The following AHNAK2 variants were observed in gnomAD, a reference collection of about 807,000 sequenced individuals.
AHNAK2 encodes protein AHNAK2.
AHNAK2 carries 18 observed loss-of-function variants against 30.7 expected under a neutral mutation model. The ratio of observed to expected loss-of-function variants is 0.59; its 90% CI spans 0.41 to 0.87. AHNAK2 has a LOEUF of 0.87. AHNAK2 is among the 40% of genes least tolerant of loss of function. The pLI is 0.00. For synonymous variants in AHNAK2, 3,590 were observed against 3,073.8 expected (o/e 1.17, Z -5.56); for missense variants, 8,604 against 7,373.0 (o/e 1.17, Z -6.11).
At position 104,939,036 on chromosome 14, in the gene AHNAK2, A is replaced by C; in HGVS notation, c.16415T>G (p.Val5472Gly). The change falls in exon 7 of 7, where the codon GTT becomes GGT. Residue 5472 changes from valine to glycine, a missense_variant. Physicochemically the swap from Val to Gly is moderately radical, Grantham distance 109. Transcript: ENST00000333244. ...KVRVHIQGAQ[V>G]ESQEVTIHSI... ...GTGTATAGTGACCTCTTGACTTTCA[A>C]CCTGAGCACCCTGAATATGCACTCT... The C allele has an allele frequency of 1.2e-6, 2 of 1,608,402 alleles. No homozygotes were observed. The highest frequency in any genetic ancestry group is 1.7e-6 in the Non-Finnish European group (2 of 1,177,432).
At position 104,948,475 on chromosome 14, in the gene AHNAK2, G is replaced by A. The variant is rs370037180; in HGVS notation, c.6976C>T (p.Leu2326=). 6 of 1,610,748 alleles carry A rather than the reference G, an allele frequency of 3.7e-6. No individual in the cohort carries two copies. In the Admixed American group the frequency reaches 6.7e-5, roughly 18 times the overall value. Residue 2326 remains leucine, a synonymous_variant, in exon 7 of 7, where the codon CTG becomes TTG. Transcript: ENST00000333244. ...CCAAGGGCAGACACCCCAAACGACA[G>A]CATCTTGAACTTGGGCATTTTGAAC... ...SKFKMPKFKM[L]SFGVSALGKS...
In AHNAK2 at chr14:104,950,760, C is replaced by T. The variant is rs767504099; in HGVS notation, c.4691G>A (p.Gly1564Asp). Residue 1564 changes from glycine (G) to aspartate (D), a missense_variant, in exon 7 of 7, where the codon GGC becomes GAC. By Grantham distance (94) the Gly-to-Asp change is moderately conservative (BLOSUM62 -1). Transcript: ENST00000333244. Reference sequence around the variant, plus strand: ...GAGGCCGGCTCCCTCGGACACAGGGCCCTCTGGGAGTTTCACGTCCACTTG... The same window carrying T: ...GAGGCCGGCTCCCTCGGACACAGGGTCCTCTGGGAGTTTCACGTCCACTTG... ...AGQVDVKLPE[G>D]PVSEGAGLKG... 1.9e-6 allele frequency: 3 copies of T among 1,587,462 alleles called. No homozygotes were observed. Among genetic ancestry groups the T allele is most frequent in the Non-Finnish European group, 1.7e-6 (2 of 1,162,778 alleles).
Position 104,941,843 on chromosome 14 carries a change from C to A in AHNAK2, c.13608G>T (p.Met4536Ile), listed in dbSNP as rs759379471. The change falls in exon 7 of 7, where the codon ATG becomes ATT. Residue 4536 changes from methionine (M) to isoleucine (I), a missense_variant. Met to Ile is a conservative substitution (Grantham distance 10). Coordinates refer to ENST00000333244, the MANE Select transcript of AHNAK2 (RefSeq NM_138420.4). ...QVDLKLPEGHMPEVAGLKGHL... is the reference protein window; with the variant it reads ...QVDLKLPEGHIPEVAGLKGHL... ...GCCCTTTGAGGCCGGCTACCTCGGG[C>A]ATGTGGCCTTCTGGAAGTTTCAAGT... 9 of 1,613,364 alleles carry A rather than the reference C, an allele frequency of 5.6e-6. No homozygotes were observed. Among genetic ancestry groups the A allele is most frequent in the Non-Finnish European group, 7.6e-6 (9 of 1,179,612 alleles).
At position 104,938,927 on chromosome 14, in the gene AHNAK2, C is replaced by T. The variant is rs1022905008; in HGVS notation, c.16524G>A (p.Thr5508=). 35 of 1,613,416 alleles carry T rather than the reference C, an allele frequency of 2.2e-5. No individual in the cohort carries two copies. The highest frequency in any genetic ancestry group is 5.5e-5 in the South Asian group (5 of 91,034). Residue 5508 remains threonine (T), a synonymous_variant, in exon 7 of 7, where the codon ACG becomes ACA. Coordinates refer to ENST00000333244, the MANE Select transcript of AHNAK2 (RefSeq NM_138420.4). ...TQIVRESEIP[T]SEIQTPSYGF... ...CGTACGAAGGTGTTTGAATCTCTGA[C>T]GTGGGGATCTCTGATTCCCGCACAA...
rs1196863502 is a variant in AHNAK2, at chr14:104,947,734, T to C, written c.7717A>G (p.Ser2573Gly). Residue 2573 changes from serine (S) to glycine (G), a missense_variant, in exon 7 of 7, where the codon AGT (serine) becomes GGT (glycine). Coordinates refer to ENST00000333244, the MANE Select transcript of AHNAK2 (RefSeq NM_138420.4). ...KGHLPKVQMP[S>G]FKMPEMDLKG... ...AGGTCCATTTCAGGCATCTTGAAACTGGGCATCTGCACCTTGGGCAGGTGC... is the reference window on the plus strand; with the variant it reads ...AGGTCCATTTCAGGCATCTTGAAACCGGGCATCTGCACCTTGGGCAGGTGC... 3 of 1,612,408 alleles carry C rather than the reference T, an allele frequency of 1.9e-6. No homozygotes were observed. The highest frequency in any genetic ancestry group is 2.5e-6 in the Non-Finnish European group (3 of 1,179,540).
In AHNAK2 at chr14:104,953,508, AT is replaced by A. The variant is rs1346779429; in HGVS notation, c.1942del (p.Ile648TyrfsTer3). 1.9e-6 allele frequency: 3 copies of A among 1,613,610 alleles called. No individual in the cohort carries two copies. Among genetic ancestry groups the A allele is most frequent in the Non-Finnish European group, 2.5e-6 (3 of 1,179,786 alleles). On this transcript the variant is annotated frameshift_variant, in exon 7 of 7. Transcript: ENST00000333244. LOFTEE classifies it low-confidence loss of function (END_TRUNC). The stretch of plus-strand genomic sequence containing the variant: ...GCGTTTTTCATCGTGTATTAGTTGT[AT>A]TTTTGTTGTGTTTGTCATTGAGTCA... ...DSDSMTNTTK[I>X]QLIHDEKRLK...
rs375941633 is a variant in AHNAK2, at chr14:104,952,238, C to T, written c.3213G>A (p.Leu1071=). ...QVDVKLPEGH[L]PEGAGLKGHL... ...GCCCTTTAAGGCCAGCTCCCTCGGG[C>T]AGGTGGCCCTCCGGGAGCTTCACAT... The change falls in exon 7 of 7, where the codon CTG becomes CTA. Residue 1071 remains leucine, a synonymous_variant. Coordinates refer to ENST00000333244, the MANE Select transcript of AHNAK2 (RefSeq NM_138420.4). The T allele has an allele frequency of 3.3e-5, 53 of 1,606,444 alleles. 2 individuals carry two copies. The African/African-American group carries it at 6.4e-4, about 19-fold the overall frequency.
In AHNAK2 at chr14:104,942,685, C is replaced by G; in HGVS notation, c.12766G>C (p.Val4256Leu). Residue 4256 changes from valine to leucine, a missense_variant, in exon 7 of 7, where the codon GTC (valine) becomes CTC (leucine). Physicochemically the swap from Val to Leu is conservative, Grantham distance 32. Transcript: ENST00000333244. Reference sequence around the variant, plus strand: ...ATGCTGGGCAGAGACACCTCCACGACGGGGGTCATCACATCCGCCTTGGGG... The same window carrying G: ...ATGCTGGGCAGAGACACCTCCACGAGGGGGGTCATCACATCCGCCTTGGGG... ...KGPKADVMTP[V>L]VEVSLPSMEV... is the part of the protein sequence containing the mutation. 3 of 1,613,006 alleles carry G rather than the reference C, an allele frequency of 1.9e-6. No homozygotes were observed. The highest frequency in any genetic ancestry group is 2.5e-6 in the Non-Finnish European group (3 of 1,179,564).
chr14:104,947,738 C>A lies in AHNAK2; in HGVS notation c.7713G>T (p.Met2571Ile), dbSNP rs1223797701. 1 of 1,612,610 alleles carries A rather than the reference C, an allele frequency of 6.2e-7. No homozygotes were observed. Among genetic ancestry groups the A allele is most frequent in the Admixed American group, 1.7e-5 (1 of 59,932 alleles). Reference protein sequence around the residue: ...GLKGHLPKVQMPSFKMPEMDL... With the variant: ...GLKGHLPKVQIPSFKMPEMDL... ...CCATTTCAGGCATCTTGAAACTGGG[C>A]ATCTGCACCTTGGGCAGGTGCCCTT... is the stretch of plus-strand genomic sequence containing the variant. Residue 2571 changes from methionine to isoleucine, a missense_variant, in exon 7 of 7, where the codon ATG (methionine) becomes ATT (isoleucine). Transcript: ENST00000333244.
chr14:104,943,174 T>G lies in AHNAK2; in HGVS notation c.12277A>C (p.Lys4093Gln), dbSNP rs186542612. 2 of 1,610,926 alleles carry G rather than the reference T, an allele frequency of 1.2e-6. No homozygotes were observed. The highest frequency in any genetic ancestry group is 1.7e-5 in the Admixed American group (1 of 59,762). ...PKAEVTAPDVKMSLSSMEVDV... is the reference protein window; with the variant it reads ...PKAEVTAPDVQMSLSSMEVDV... ...ACCTCCATGCTGGACAGAGACATCT[T>G]CACATCAGGGGCTGTCACTTCCGCC... The change falls in exon 7 of 7, where the codon AAG becomes CAG. Residue 4093 changes from lysine to glutamine, a missense_variant. Transcript: ENST00000333244.
chr14:104,966,257 G>A lies in AHNAK2; in HGVS notation c.56-8585C>T, dbSNP rs1899299765. ...ACCTTCCTACTGCTCCGGGGGCCAG[G>A]CCCAGACCCCTGGCCTCCATAACCC... On this transcript the variant is annotated intron_variant, in intron 1 of 6. Transcript: ENST00000333244. The surrounding 1 kb of genome is among the most constrained non-coding windows in gnomAD (Gnocchi z 4.3). Among the ~76,000 whole-genome samples, 3 of 152,030 alleles carry A rather than the reference G, an allele frequency of 2.0e-5. No individual in the cohort carries two copies. The highest frequency in any genetic ancestry group is 3.9e-4 in the East Asian group (2 of 5,178).
rs201070648 is a variant in AHNAK2 at position 104,955,544 on chromosome 14, C to T, written c.405G>A (p.Gly135=). Residue 135 remains glycine, a synonymous_variant, in exon 5 of 7, where the codon GGG becomes GGA. Coordinates refer to ENST00000333244, the MANE Select transcript of AHNAK2 (RefSeq NM_138420.4). ...CCTTCAGCACTTGCTTGACGAAGAT[C>T]CCCTGGTCCCCACCACCTGTGACAC... ...GYSVTGGGDQ[G]IFVKQVLKDS... is the part of the protein sequence containing the mutation. 6.5e-5 allele frequency: 105 copies of T among 1,613,584 alleles called. No individual in the cohort carries two copies. The highest frequency in any genetic ancestry group is 8.8e-5 in the Non-Finnish European group (104 of 1,179,844).
chr14:104,949,596 G>A lies in AHNAK2; in HGVS notation c.5855C>T (p.Pro1952Leu), dbSNP rs79599750. 1.2e-3 allele frequency: 1,928 copies of A among 1,589,074 alleles called. 118 individuals carry two copies. The East Asian group carries it at 0.035, about 29-fold the overall frequency. Residue 1952 changes from proline to leucine, a missense_variant, in exon 7 of 7, where the codon CCC becomes CTC. By Grantham distance (98) the Pro-to-Leu change is moderately conservative (BLOSUM62 -3). Transcript: ENST00000333244. ...GGCCTGGACATCCACCTCCATGCTG[G>A]GCAGAGACACCTCGACATCGGGGGC... is the stretch of plus-strand genomic sequence containing the variant. ...VTAPDVEVSL[P>L]SMEVDVQAQK...
chr14:104,963,905 G>T (rs959656861), intron 1 of AHNAK2, among the ~76,000 whole-genome samples: 1 of 151,334 alleles, frequency 6.6e-6, no homozygotes, highest in Non-Finnish European at 1.5e-5. Flanking sequence ...CACCACTAAG[G>T]GCATGAAATG....
Position 104,949,039 on chromosome 14 carries a change from C to T in AHNAK2, c.6412G>A (p.Asp2138Asn), listed in dbSNP as rs1898490369. Residue 2138 changes from aspartate (D) to asparagine (N), a missense_variant, in exon 7 of 7, where the codon GAC (aspartate) becomes AAC (asparagine). By Grantham distance (23) the Asp-to-Asn change is conservative. Coordinates refer to ENST00000333244, the MANE Select transcript of AHNAK2 (RefSeq NM_138420.4). The stretch of plus-strand genomic sequence containing the variant: ...AGGTCCTTGTTGGCCAGGGTCAGGT[C>T]CCCCTGCAGATGCGCACTATCCAGC... ...AKLDSAHLQG[D>N]LTLANKDLTT... The T allele has an allele frequency of 1.9e-6, 2 of 1,068,806 alleles. 1 individual carries two copies. The highest frequency in any genetic ancestry group is 2.8e-5 in the African/African-American group (2 of 70,564). The allele number at this position is 1,068,806 out of a possible 1,614,324, so 66.2% of individuals were successfully genotyped here. A position where few individuals can be genotyped will look rare whatever the true frequency, so the allele number is the denominator to read the frequency against.
rs759842864 is a variant in AHNAK2, at chr14:104,941,502, G to C, written c.13949C>G (p.Ser4650Cys). 1 of 1,612,970 alleles carries C rather than the reference G, an allele frequency of 6.2e-7. No individual in the cohort carries two copies. Among genetic ancestry groups the C allele is most frequent in the Non-Finnish European group, 8.5e-7 (1 of 1,179,818 alleles). ...GAATGTAACATTTCCTTCGATTTCA[G>C]AGGAAGACATGGAAACTTTCTTTGA... ...WSSKKVSMSSSEIEGNVTFHE... is the reference protein window; with the variant it reads ...WSSKKVSMSSCEIEGNVTFHE... Residue 4650 changes from serine (S) to cysteine (C), a missense_variant, in exon 7 of 7, where the codon TCT becomes TGT. Physicochemically the swap from Ser to Cys is moderately radical, Grantham distance 112 (BLOSUM62 -1). Transcript: ENST00000333244.
rs372045967 is a variant in AHNAK2 at position 104,948,199 on chromosome 14, C to G, written c.7252G>C (p.Gly2418Arg). ...GGGCCCTTGACATCTATCTGGGGGC[C>G]CTTGAGATCTACTTTGGGCATCTTG... Reference protein sequence around the residue: ...SFKMPKVDLKGPQIDVKGPKL... With the variant: ...SFKMPKVDLKRPQIDVKGPKL... The change falls in exon 7 of 7, where the codon GGC becomes CGC. Residue 2418 changes from glycine to arginine, a missense_variant. Gly to Arg is a moderately radical substitution (Grantham distance 125). Coordinates refer to ENST00000333244, the MANE Select transcript of AHNAK2 (RefSeq NM_138420.4). 5.0e-5 allele frequency: 80 copies of G among 1,612,582 alleles called. No individual in the cohort carries two copies. The Admixed American group carries it at 9.3e-4, about 19-fold the overall frequency.
Position 104,957,491 on chromosome 14 carries a change from C to T in AHNAK2, c.132G>A (p.Ala44=), listed in dbSNP as rs2582500. 804 of 1,599,844 alleles carry T rather than the reference C, an allele frequency of 5.0e-4. 3 individuals are homozygous for T. The African/African-American group carries it at 9.6e-3, about 19-fold the overall frequency. ...GCGGCCGTGGTCGAATGCCCTCATCCGCAGGCCCTTCAGTCACCTGACGGG... is the reference window on the plus strand; with the variant it reads ...GCGGCCGTGGTCGAATGCCCTCATCTGCAGGCCCTTCAGTCACCTGACGGG... ...EDDHSVTEGP[A]DEGIRPRPQG... Residue 44 remains alanine (A), a synonymous_variant, in exon 3 of 7, where the codon GCG becomes GCA. Transcript: ENST00000333244.
intron 1 of AHNAK2, 59 bp from the exon 2 acceptor site, chr14:104,957,731 G>T: frequency 6.5e-7 from 1 of 1,527,574 alleles, no homozygotes; most frequent in Non-Finnish European, 8.9e-7. Context: ...ATCGGGGCCC[G>T]GGGGAGGGAG....
Sources: allele counts gnomAD v4.1 joint callset (sites outside exome capture counted in the v4.1 genomes callset), GRCh38; gene constraint gnomAD v4.1.1; non-coding constraint Gnocchi (gnomAD v3.1); transcripts MANE v1.5; gene names NCBI Gene and HGNC (gene_info 2026-07-23, HGNC 2026-07-21).